Variants in TMEM132D observed in about 807,000 individuals in gnomAD.
The protein encoded by TMEM132D is transmembrane protein 132D, also known as mature OL transmembrane protein.
Under a neutral mutation model 62.3 loss-of-function variants are expected in TMEM132D, and 21 were observed. The observed-to-expected ratio is 0.34, with a 90% CI of 0.24 to 0.49. The LOEUF is 0.49. TMEM132D is among the 20% of genes least tolerant of loss of function. TMEM132D has a pLI of 0.99. For synonymous variants in TMEM132D, 621 were observed against 575.6 expected (o/e 1.08, Z -1.13); for missense variants, 1,346 against 1,402.8 (o/e 0.96, Z 0.65).
chr12:129,497,111 A>C (rs569906580), intron 3 of TMEM132D, among the ~76,000 whole-genome samples: 57 of 152,170 alleles, frequency 3.7e-4, no homozygotes, highest in Non-Finnish European at 5.9e-4. Flanking sequence ...AGTTGGAGAC[A>C]AGCCTGGCCA....
chr12:129,666,724 A>T (rs1880387397), intron 2 of TMEM132D, among the ~76,000 whole-genome samples: 1 of 152,208 alleles, frequency 6.6e-6, no homozygotes, highest in South Asian at 2.1e-4. Flanking sequence ...GTACATAATT[A>T]AAACTGCTTA....
chr12:129,569,130 C>A (rs1877445685), intron 2 of TMEM132D, among the ~76,000 whole-genome samples: 1 of 152,170 alleles, frequency 6.6e-6, no homozygotes, highest in South Asian at 2.1e-4. Flanking sequence ...AAGCTGCTGA[C>A]AGCTACATTT....
At chr12:129,415,111 T>C (rs1593370681) in intron 3 of TMEM132D, among the ~76,000 whole-genome samples, 1 of 152,370 alleles carries the variant, frequency 6.6e-6, no homozygotes, top group South Asian at 2.1e-4. Context: ...TGGTGAATTA[T>C]GCTGTGATGA....
intron 1 of TMEM132D, among the ~76,000 whole-genome samples, chr12:129,703,993 T>C (rs1038518076): frequency 1.3e-5 from 2 of 151,326 alleles, no homozygotes; most frequent in African/African-American, 4.8e-5. Flanking sequence ...CTGCAAGAAT[T>C]ACTGGGACTC....
In TMEM132D at chr12:129,699,924, C is replaced by G. The variant is rs751041490; in HGVS notation, c.854G>C (p.Arg285Pro). The part of the protein sequence containing the change: ...THRKPSLREL[R>P]LDNSVAIHYI... ...GTGGATGGCCACGCTGTTGTCCAGA[C>G]GCAGTTCTCTCAGGGAGGGTTTCCT... The change falls in exon 2 of 9, where the codon CGT becomes CCT. Residue 285 changes from arginine (R) to proline (P), a missense_variant. By Grantham distance (103) the Arg-to-Pro change is moderately radical. Coordinates refer to ENST00000422113, the MANE Select transcript of TMEM132D (RefSeq NM_133448.3). 3 of 1,614,144 alleles carry G rather than the reference C, an allele frequency of 1.9e-6. No homozygotes were observed. Among genetic ancestry groups the G allele is most frequent in the Middle Eastern group, 3.3e-4 (2 of 6,062 alleles).
At chr12:129,307,318 A>G (rs1057344665) in intron 4 of TMEM132D, among the ~76,000 whole-genome samples, 1 of 152,160 alleles carries the variant, frequency 6.6e-6, no homozygotes, top group Non-Finnish European at 1.5e-5. Context: ...GGAAATCAGT[A>G]TCTTATTATC....
At chr12:129,593,124 GA>G (rs34972391) in intron 2 of TMEM132D, among the ~76,000 whole-genome samples, 4 of 151,552 alleles carry the variant, frequency 2.6e-5, no homozygotes, top group Admixed American at 6.6e-5. Flanking sequence ...TCACTCTGGG[GA>G]AAAAAAAGGT....
chr12:129,337,886 G>A, intron 3 of TMEM132D, 69 bp from the exon 4 acceptor site: 1 of 1,495,968 alleles, frequency 6.7e-7, no homozygotes, highest in South Asian at 1.3e-5. Context: ...GGCAGAGAGT[G>A]GGCGGCCCTT....
chr12:129,352,050 C>T (rs555121093), intron 3 of TMEM132D, among the ~76,000 whole-genome samples: 3 of 152,202 alleles, frequency 2.0e-5, no homozygotes, highest in East Asian at 1.9e-4. Context: ...CAGAGGCGTT[C>T]GAACCAGAGC....
intron 5 of TMEM132D, among the ~76,000 whole-genome samples, chr12:129,100,729 C>T (rs539166257): frequency 9.2e-5 from 14 of 152,304 alleles, no homozygotes; most frequent in African/African-American, 2.4e-4. Flanking sequence ...TTGCTGGTTC[C>T]GTAGAGGTCT....
At chr12:129,718,975 G>A (rs927380212) in intron 1 of TMEM132D, among the ~76,000 whole-genome samples, 1 of 151,740 alleles carries the variant, frequency 6.6e-6, no homozygotes, top group Non-Finnish European at 1.5e-5. Flanking sequence ...GGTGGCTCAT[G>A]CCTGTAATCC....
intron 2 of TMEM132D, among the ~76,000 whole-genome samples, chr12:129,649,897 T>C (rs1879884250): frequency 7.4e-6 from 1 of 135,786 alleles, no homozygotes; most frequent in Admixed American, 7.0e-5. Flanking sequence ...TGTGTGTTTG[T>C]GTGTGTGTCT....
rs542725104 is a variant in TMEM132D, at chr12:129,336,531, C to T, written c.1299+1103G>A. Among the ~76,000 whole-genome samples, 5 of 151,794 alleles carry T rather than the reference C, an allele frequency of 3.3e-5. No homozygotes were observed. The East Asian group carries it at 7.8e-4, about 24-fold the overall frequency. On this transcript the variant is annotated intron_variant, in intron 4 of 8. Transcript: ENST00000422113. ...AGGTTGCAGTGAGCCAAGATCGCAC[C>T]ACCGCACTCCAGCCTGGGCAACAGA...
At chr12:129,825,559 C>A (rs1593176855) in intron 1 of TMEM132D, among the ~76,000 whole-genome samples, 1 of 152,298 alleles carries the variant, frequency 6.6e-6, no homozygotes, top group South Asian at 2.1e-4. Flanking sequence ...ACACAAGGCC[C>A]TCCACCTGCA....
At chr12:129,209,811 GC>G (rs770323953) in intron 4 of TMEM132D, 148 bp from the exon 5 acceptor site, 1 of 1,065,964 alleles carries the variant, frequency 9.4e-7, no homozygotes, top group Non-Finnish European at 1.3e-6. Context: ...GCACCAGCTG[GC>G]TGACCGTGGC....
intron 1 of TMEM132D, among the ~76,000 whole-genome samples, chr12:129,794,249 C>G (rs1871492398): frequency 8.6e-6 from 1 of 116,292 alleles, no homozygotes; most frequent in Admixed American, 1.1e-4. Context: ...CCACCATGCC[C>G]AGCATTTTTT....
intron 1 of TMEM132D, among the ~76,000 whole-genome samples, chr12:129,783,841 C>G (rs1000604276): frequency 7.2e-5 from 11 of 152,214 alleles, no homozygotes; most frequent in Non-Finnish European, 2.9e-5. Flanking sequence ...GAGCAAAGAT[C>G]ACTTCTGCCT....
intron 2 of TMEM132D, among the ~76,000 whole-genome samples, chr12:129,547,952 A>G (rs1876785367): frequency 6.6e-6 from 1 of 152,100 alleles, no homozygotes; most frequent in South Asian, 2.1e-4. Context: ...ACTTTTGGTC[A>G]CTGGAGGGTC....
At chr12:129,832,350 T>A (rs1221297335) in intron 1 of TMEM132D, among the ~76,000 whole-genome samples, 1 of 151,518 alleles carries the variant, frequency 6.6e-6, no homozygotes, top group Non-Finnish European at 1.5e-5. Flanking sequence ...ATTATATATA[T>A]ACATAAAATA....
Sources: allele counts gnomAD v4.1 joint callset (sites outside exome capture counted in the v4.1 genomes callset), GRCh38; gene constraint gnomAD v4.1.1; transcripts MANE v1.5; gene names NCBI Gene and HGNC (gene_info 2026-07-23, HGNC 2026-07-21).